Variants in HDAC2 observed in about 807,000 individuals in gnomAD.
HDAC2 encodes histone deacetylase 2, also known as YY1-associated factor 1.
Under a neutral mutation model 68.5 loss-of-function variants are expected in HDAC2, and 5 were observed. The observed-to-expected ratio is 0.07, with a 90% CI of 0.04 to 0.15. The LOEUF is 0.15. HDAC2 is among the 10% of genes least tolerant of loss of function. The pLI is 1.00. For synonymous variants in HDAC2, 182 were observed against 191.3 expected (o/e 0.95, Z 0.40); for missense variants, 291 against 600.8 (o/e 0.48, Z 5.39).
chr6:113,948,915 G>A (rs1027751355), intron 8 of HDAC2, 64 bp downstream of exon 8: 13 of 1,563,578 alleles, frequency 8.3e-6, no homozygotes, highest in African/African-American at 4.1e-5. Flanking sequence ...GAACTTTTAC[G>A]GGGAGTTCTT....
At chr6:113,957,414 T>C (rs189740967) in intron 3 of HDAC2, 13 of 152,328 alleles carry the variant, frequency 8.5e-5, no homozygotes, top group East Asian at 3.9e-4. Flanking sequence ...ATTAATATCT[T>C]TGTATACCCT....
At position 113,935,007 on chromosome 6, in the gene HDAC2, C is replaced by T. The variant is rs912683797; in HGVS notation, c.*6051G>A. 2.6e-5 allele frequency: 4 copies of T among 152,068 alleles called. No homozygotes were observed. Among genetic ancestry groups the T allele is most frequent in the African/African-American group, 9.7e-5 (4 of 41,396 alleles). 9.4% of individuals were successfully genotyped at this position (152,068 alleles called of 1,614,324 possible). A position where few individuals can be genotyped will look rare whatever the true frequency, so the allele number is the denominator to read the frequency against. ...TTGAAAAGAACATACCTAGATTCTA[C>T]GGAAATTAGAAATCTAGCCTTTTTA... On this transcript the variant is annotated 3_prime_UTR_variant, in exon 14 of 14. Transcript: ENST00000519065.
At chr6:113,956,324 T>G (rs1222940044) in intron 4 of HDAC2, 173 bp from the exon 5 acceptor site, 1 of 588,730 alleles carries the variant, frequency 1.7e-6, no homozygotes. Flanking sequence ...AATATTCTCC[T>G]AGAGCTGCAA....
intron 11 of HDAC2, among the ~76,000 whole-genome samples, chr6:113,943,952 G>A (rs913568483): frequency 1.3e-5 from 2 of 152,136 alleles, no homozygotes; most frequent in African/African-American, 4.8e-5. Flanking sequence ...TAAGTGTAAT[G>A]AGAAGTTGTA....
At position 113,941,086 on chromosome 6, in the gene HDAC2, G is replaced by T. The variant is rs1387767432; in HGVS notation, c.1439C>A (p.Thr480Asn). Residue 480 changes from threonine (T) to asparagine (N), a missense_variant and splice_region_variant, in exon 14 of 14, where the codon ACC (threonine) becomes AAC (asparagine). Physicochemically the swap from Thr to Asn is moderately conservative, Grantham distance 65. Coordinates refer to ENST00000519065, the MANE Select transcript of HDAC2 (RefSeq NM_001527.4). ...NSGEKTDTKG[T>N]KSEQLSNP Reference sequence around the variant, plus strand: ...GGGGTTGCTGAGCTGTTCTGATTTGGTTCTGTTAAAAGAGGCAATGTGAAA... The same window carrying T: ...GGGGTTGCTGAGCTGTTCTGATTTGTTTCTGTTAAAAGAGGCAATGTGAAA... 2.5e-6 allele frequency: 4 copies of T among 1,609,212 alleles called. No individual in the cohort carries two copies. The highest frequency in any genetic ancestry group is 3.4e-6 in the Non-Finnish European group (4 of 1,177,714).
chr6:113,952,835 G>A (rs1001735666), intron 6 of HDAC2, among the ~76,000 whole-genome samples: 2 of 151,848 alleles, frequency 1.3e-5, no homozygotes, highest in African/African-American at 4.8e-5. Context: ...AATTTTAGAA[G>A]CTTAAAGAAA....
At chr6:113,970,397 T>C (rs1175935848) in intron 1 of HDAC2, 4 of 952,464 alleles carry the variant, frequency 4.2e-6, no homozygotes, top group Non-Finnish European at 5.0e-6. Context: ...CGGGGCTTTG[T>C]GTAGAGTCAA....
At chr6:113,950,224 T>C (rs1031564355) in intron 6 of HDAC2, among the ~76,000 whole-genome samples, 4 of 152,006 alleles carry the variant, frequency 2.6e-5, no homozygotes, top group Non-Finnish European at 5.9e-5. Context: ...ACATATATTA[T>C]ATATACTTAC....
intron 2 of HDAC2, 123 bp from the exon 3 acceptor site, chr6:113,958,889 T>C (rs569551086): frequency 3.4e-5 from 24 of 709,752 alleles, no homozygotes; most frequent in South Asian, 2.4e-4. Context: ...GAACAAAATA[T>C]ATAAATTCCA....
At chr6:113,964,912 A>G (rs1209009557) in intron 1 of HDAC2, among the ~76,000 whole-genome samples, 4 of 152,182 alleles carry the variant, frequency 2.6e-5, no homozygotes. Flanking sequence ...CCTCAGCTCC[A>G]ACTCCATTTC....
chr6:113,944,332 A>G lies in HDAC2; in HGVS notation c.1170T>C (p.Val390=). ...CATCTTCATCTCCACTGTCTTCATG[A>G]ACAGCATCTTCTGGAATAGCTTGCA... The part of the protein sequence containing the change: ...VQMQAIPEDA[V]HEDSGDEDGE... Residue 390 remains valine, a synonymous_variant, in exon 11 of 14, where the codon GTT becomes GTC. Transcript: ENST00000519065. The G allele has an allele frequency of 1.2e-6, 2 of 1,613,212 alleles. No homozygotes were observed. The highest frequency in any genetic ancestry group is 1.7e-6 in the Non-Finnish European group (2 of 1,179,182).
chr6:113,956,228 G>C (rs138828658), intron 4 of HDAC2, 77 bp from the exon 5 acceptor site: 2 of 1,189,618 alleles, frequency 1.7e-6, no homozygotes, highest in Non-Finnish European at 2.4e-6. Context: ...AACACTACAA[G>C]TGTATGCCAT....
At chr6:113,966,907 A>G (rs1327606685) in intron 1 of HDAC2, among the ~76,000 whole-genome samples, 1 of 152,196 alleles carries the variant, frequency 6.6e-6, no homozygotes, top group Non-Finnish European at 1.5e-5. Flanking sequence ...GTATTTATGA[A>G]CTGCTGCTAT....
In HDAC2 at chr6:113,943,522, T is replaced by C. The variant is rs777886649; in HGVS notation, c.1223-16A>G. ...GATGCTCGAACTGCACAGAATATTT[T>C]AATAAATTTTGACAAAAACAGTCAC... On this transcript the variant is annotated splice_polypyrimidine_tract_variant and intron_variant, in intron 11 of 13. Coordinates refer to ENST00000519065, the MANE Select transcript of HDAC2 (RefSeq NM_001527.4). 4.5e-6 allele frequency: 7 copies of C among 1,571,498 alleles called. No homozygotes were observed. Among genetic ancestry groups the C allele is most frequent in the African/African-American group, 1.4e-5 (1 of 72,758 alleles).
At chr6:113,969,261 GTTA>G (rs1776915264) in intron 1 of HDAC2, among the ~76,000 whole-genome samples, 1 of 152,180 alleles carries the variant, frequency 6.6e-6, no homozygotes, top group Non-Finnish European at 1.5e-5. Context: ...AAGTAGGGCT[GTTA>G]TTATTCTGTC....
chr6:113,948,795 T>A, intron 8 of HDAC2, 184 bp downstream of exon 8: 1 of 571,310 alleles, frequency 1.8e-6, no homozygotes, highest in Non-Finnish European at 2.9e-6. Context: ...AATGTATATA[T>A]AAATCTGCCA....
intron 5 of HDAC2, 38 bp downstream of exon 5, chr6:113,955,975 T>G (rs1405788519): frequency 1.4e-6 from 2 of 1,479,842 alleles, no homozygotes; most frequent in Admixed American, 2.0e-5. Context: ...ATGAAAACAC[T>G]TTATCACTGA....
intron 2 of HDAC2, chr6:113,959,518 A>C (rs1776629874): frequency 6.6e-6 from 1 of 150,532 alleles, no homozygotes; most frequent in South Asian, 2.1e-4. Context: ...TATTTGTGGG[A>C]TTAATTTTAT....
At position 113,970,968 on chromosome 6, in the gene HDAC2, T is replaced by TGCTGCC; in HGVS notation, c.-61_-60insGGCAGC. The stretch of plus-strand genomic sequence containing the variant: ...CTCCTGCTGCTGCTGCTGCTGCTGC[T>TGCTGCC]GCCGCCGCGGCTCGGCCGGGAGAGA... On this transcript the variant is annotated 5_prime_UTR_variant, in exon 1 of 14. Coordinates refer to ENST00000519065, the MANE Select transcript of HDAC2 (RefSeq NM_001527.4). 1 of 1,563,330 alleles carries TGCTGCC rather than the reference T, an allele frequency of 6.4e-7. No individual in the cohort carries two copies. The highest frequency in any genetic ancestry group is 8.7e-7 in the Non-Finnish European group (1 of 1,153,692).
Sources: gnomAD v4.1 joint callset for allele counts (sites outside exome capture counted in the v4.1 genomes callset) on GRCh38, gnomAD v4.1.1 for gene constraint, MANE v1.5 for transcripts, NCBI Gene and HGNC (gene_info 2026-07-23, HGNC 2026-07-21) for gene names.